ADCYAP1R1: variants seen among roughly 807,000 people sequenced by gnomAD.
ADCYAP1R1 encodes the protein pituitary adenylate cyclase-activating polypeptide type I receptor.
Under a neutral mutation model 67.6 loss-of-function variants are expected in ADCYAP1R1, and 44 were observed. That is an observed-to-expected ratio of 0.65 (90% confidence interval 0.51 to 0.84). The LOEUF (loss-of-function observed/expected upper bound fraction) is 0.84. Ranked by LOEUF, ADCYAP1R1 falls within the 40% of genes least tolerant of loss-of-function variation. The pLI is 0.00. For missense variants in ADCYAP1R1, 477 were observed against 587.9 expected, an observed-to-expected ratio of 0.81 and a Z score of 1.95; for synonymous variants, 222 against 219.6, an observed-to-expected ratio of 1.01 and a Z score of -0.10.
chr7:31,109,630 AC>A lies in ADCYAP1R1; in HGVS notation c.*2949del, dbSNP rs1796778962. On this transcript the variant is annotated 3_prime_UTR_variant, in exon 16 of 16. Coordinates refer to ENST00000304166, the MANE Select transcript of ADCYAP1R1 (RefSeq NM_001118.5). The stretch of plus-strand genomic sequence containing the variant: ...TATGCAATCCTAAAGGACGAAACTC[AC>A]CCATGGGAGGCCGAATTCTCCTTGG... The A allele has an allele frequency of 1.3e-5, 2 of 152,254 alleles. No individual in the cohort carries two copies. The highest frequency in any genetic ancestry group is 4.1e-4 in the South Asian group (2 of 4,822). The allele number at this position is 152,254 out of a possible 1,614,324, so 9.4% of individuals were successfully genotyped here. A position where few individuals can be genotyped will look rare whatever the true frequency, so the allele number is the denominator to read the frequency against.
chr7:31,059,820 G>C (rs1042871208), intron 1 of ADCYAP1R1, among the ~76,000 whole-genome samples: 3 of 152,114 alleles, frequency 2.0e-5, no homozygotes, highest in Admixed American at 2.0e-4. Flanking sequence ...AGAGAGGGGA[G>C]AGGCTGCGGG....
intron 3 of ADCYAP1R1, among the ~76,000 whole-genome samples, chr7:31,069,595 A>G (rs564904335): frequency 1.3e-5 from 2 of 152,296 alleles, no homozygotes; most frequent in Admixed American, 1.3e-4. Context: ...TGTCTGTGGC[A>G]CTGTGTGTGT....
At chr7:31,076,385 A>G (rs1179160909) in intron 3 of ADCYAP1R1, among the ~76,000 whole-genome samples, 1 of 152,072 alleles carries the variant, frequency 6.6e-6, no homozygotes, top group Non-Finnish European at 1.5e-5. Flanking sequence ...CAGTGCGGGG[A>G]ACTCTACAGA....
At chr7:31,084,928 C>T (rs1795674206) in intron 8 of ADCYAP1R1, 94 bp downstream of exon 8, 4 of 1,190,154 alleles carry the variant, frequency 3.4e-6, no homozygotes, top group Middle Eastern at 3.9e-4. Context: ...GATGTCAGCC[C>T]TAGAAGACCC....
At chr7:31,072,728 C>T (rs1347618952) in intron 3 of ADCYAP1R1, among the ~76,000 whole-genome samples, 3 of 152,252 alleles carry the variant, frequency 2.0e-5, no homozygotes, top group Non-Finnish European at 4.4e-5. Flanking sequence ...AGGCCCACGT[C>T]ATCCTAATCC....
At position 31,086,514 on chromosome 7, in the gene ADCYAP1R1, A is replaced by G. The variant is rs1482816185; in HGVS notation, c.800A>G (p.Tyr267Cys). ...TTCTTCCCTGAAAGGAGATACTTCTACTGGTACACCATCATTGGCTGGGGT... is the reference window on the plus strand; with the variant it reads ...TTCTTCCCTGAAAGGAGATACTTCTGCTGGTACACCATCATTGGCTGGGGT... ...ETFFPERRYF[Y>C]WYTIIGWGTP... Residue 267 changes from tyrosine (Y) to cysteine (C), a missense_variant, in exon 10 of 16, where the codon TAC (tyrosine) becomes TGC (cysteine). Tyr to Cys is a radical substitution (Grantham distance 194). Coordinates refer to ENST00000304166, the MANE Select transcript of ADCYAP1R1 (RefSeq NM_001118.5). This position sits in a 1 kb window ranked among gnomAD's most constrained non-coding sequence, Gnocchi z 5.0. 3 of 1,614,066 alleles carry G rather than the reference A, an allele frequency of 1.9e-6. No individual in the cohort carries two copies. The highest frequency in any genetic ancestry group is 1.6e-4 in the Middle Eastern group (1 of 6,084).
intron 1 of ADCYAP1R1, among the ~76,000 whole-genome samples, chr7:31,058,878 G>C (rs551573065): frequency 1.7e-4 from 26 of 152,290 alleles, no homozygotes; most frequent in Non-Finnish European, 3.2e-4. Context: ...CCAGGGACTT[G>C]CTGTGTGATT....
At chr7:31,103,166 C>G in intron 13 of ADCYAP1R1, 71 bp from the exon 14 acceptor site, 1 of 1,577,098 alleles carries the variant, frequency 6.3e-7, no homozygotes, top group East Asian at 2.2e-5. Flanking sequence ...GGGCTGAGTT[C>G]TCTGCCCTCC....
At chr7:31,074,038 CAGCTGT>C (rs1210052944) in intron 3 of ADCYAP1R1, among the ~76,000 whole-genome samples, 2 of 152,168 alleles carry the variant, frequency 1.3e-5, no homozygotes, top group African/African-American at 4.8e-5. Flanking sequence ...GCCCTTTAGG[CAGCTGT>C]AGCTGCCCCA....
chr7:31,095,829 A>G, intron 13 of ADCYAP1R1: 1 of 694,940 alleles, frequency 1.4e-6, no homozygotes, highest in South Asian at 1.6e-5. Flanking sequence ...CAGCCTCAGA[A>G]GCACCTGATG....
intron 3 of ADCYAP1R1, among the ~76,000 whole-genome samples, chr7:31,069,135 G>C (rs1794868747): frequency 6.6e-6 from 1 of 152,166 alleles, no homozygotes; most frequent in Non-Finnish European, 1.5e-5. Context: ...CCAGGTCTGA[G>C]AACCACTGGC....
At chr7:31,067,227 A>G (rs2041571) in intron 3 of ADCYAP1R1, among the ~76,000 whole-genome samples, 84,234 of 152,038 alleles carry the variant, frequency 0.55, 26,138 homozygotes, top group African/African-American at 0.85. Context: ...TAAGGAGAGG[A>G]TCCCTCATCT....
intron 13 of ADCYAP1R1, chr7:31,100,037 C>T (rs942034690): frequency 1.5e-6 from 2 of 1,292,504 alleles, no homozygotes; most frequent in Non-Finnish European, 2.2e-6. Flanking sequence ...TGTCTCCATA[C>T]CCTCCTCTTT....
At chr7:31,081,413 C>T (rs1057243394) in intron 5 of ADCYAP1R1, among the ~76,000 whole-genome samples, 1 of 152,146 alleles carries the variant, frequency 6.6e-6, no homozygotes, top group Non-Finnish European at 1.5e-5. Flanking sequence ...CCATTCCTCT[C>T]CATTCTGGAG....
chr7:31,078,426 A>T (rs957213563), intron 4 of ADCYAP1R1, among the ~76,000 whole-genome samples: 2 of 152,158 alleles, frequency 1.3e-5, no homozygotes, highest in Non-Finnish European at 2.9e-5. Flanking sequence ...TGTGAGGGTA[A>T]TGTGAAGCGA....
intron 11 of ADCYAP1R1, 61 bp from the exon 12 acceptor site, chr7:31,087,566 C>T (rs933407553): frequency 1.2e-5 from 18 of 1,506,958 alleles, no homozygotes; most frequent in East Asian, 6.8e-5. Flanking sequence ...GGCAGTGTCC[C>T]GCAGGCTTCT....
At chr7:31,095,851 C>T (rs1354097758) in intron 13 of ADCYAP1R1, 1 of 661,898 alleles carries the variant, frequency 1.5e-6, no homozygotes, top group East Asian at 2.7e-5. Flanking sequence ...GGTCTGGGGC[C>T]TCTGCGGGGG....
chr7:31,055,469 G>A (rs898013063), intron 1 of ADCYAP1R1, among the ~76,000 whole-genome samples: 1 of 152,172 alleles, frequency 6.6e-6, no homozygotes, highest in African/African-American at 2.4e-5. Context: ...TAATTCCACT[G>A]TGTAGCCTAC....
intron 13 of ADCYAP1R1, among the ~76,000 whole-genome samples, chr7:31,099,053 G>A (rs1796329335): frequency 6.6e-6 from 1 of 152,198 alleles, no homozygotes; most frequent in South Asian, 2.1e-4. Flanking sequence ...AGTGTTCATG[G>A]CTTGTGTCAG....
Sources: allele counts gnomAD v4.1 joint callset (sites outside exome capture counted in the v4.1 genomes callset), GRCh38; gene constraint gnomAD v4.1.1; non-coding constraint Gnocchi (gnomAD v3.1); transcripts MANE v1.5; gene names NCBI Gene and HGNC (gene_info 2026-07-23, HGNC 2026-07-21).